ACMSD: variants seen among roughly 807,000 people sequenced by gnomAD.
ACMSD encodes the protein 2-amino-3-carboxymuconate-6-semialdehyde decarboxylase.
In ACMSD, 37 loss-of-function variants were observed where a neutral mutation model predicts 45.9. The observed-to-expected ratio is 0.81, with a 90% confidence interval of 0.62 to 1.06. ACMSD has a LOEUF of 1.06. Among genes scored for constraint, ACMSD ranks in the 50% least tolerant of loss-of-function variants. ACMSD has a pLI of 0.00. For missense variants in ACMSD, 434 were observed against 420.9 expected, an observed-to-expected ratio of 1.03 and a Z score of -0.27; for synonymous variants, 138 against 148.8, an observed-to-expected ratio of 0.93 and a Z score of 0.53.
intron 4 of ACMSD, chr2:134,862,984 T>A (rs1687917957): frequency 1.0e-6 from 1 of 985,278 alleles, no homozygotes; most frequent in South Asian, 4.7e-5. Context: ...CTGGCGGCCC[T>A]CAATGGGGCA....
Position 134,867,657 on chromosome 2 carries a change from C to T in ACMSD, c.565C>T (p.Leu189Phe). The change falls in exon 6 of 10, where the codon CTC (leucine) becomes TTC (phenylalanine). Residue 189 changes from leucine (L) to phenylalanine (F), a missense_variant. Transcript: ENST00000356140. ...QMDGRMAKYWLPWLVGMPAET... is the reference protein window; with the variant it reads ...QMDGRMAKYWFPWLVGMPAET... ...GGATGGACGAATGGCCAAATACTGG[C>T]TCCCTTGGCTTGTAGGTTTGTGTCT... is the stretch of plus-strand genomic sequence containing the variant. The T allele has an allele frequency of 5.0e-6, 8 of 1,613,496 alleles. No individual in the cohort carries two copies. The highest frequency in any genetic ancestry group is 1.1e-5 in the South Asian group (1 of 90,938).
chr2:134,895,497 A>T (rs2104962015), intron 8 of ACMSD, among the ~76,000 whole-genome samples: 1 of 151,682 alleles, frequency 6.6e-6, no homozygotes, highest in East Asian at 2.0e-4. Context: ...ATCCAATGCA[A>T]TTGCTATCAA....
chr2:134,894,933 A>G (rs999076198), intron 8 of ACMSD, among the ~76,000 whole-genome samples: 5 of 152,220 alleles, frequency 3.3e-5, no homozygotes, highest in Non-Finnish European at 4.4e-5. Flanking sequence ...TCTATTTGTT[A>G]GCAATGAATA....
intron 2 of ACMSD, among the ~76,000 whole-genome samples, chr2:134,846,653 C>A (rs918941531): frequency 1.3e-5 from 2 of 152,132 alleles, no homozygotes; most frequent in African/African-American, 4.8e-5. Flanking sequence ...GTGGTCCTCC[C>A]ACTTCAGCCT....
At chr2:134,842,773 A>G (rs1686865682) in intron 1 of ACMSD, among the ~76,000 whole-genome samples, 1 of 152,186 alleles carries the variant, frequency 6.6e-6, no homozygotes, top group Non-Finnish European at 1.5e-5. Context: ...GCCTCATTTC[A>G]TTAACACACA....
intron 8 of ACMSD, among the ~76,000 whole-genome samples, chr2:134,876,381 A>G (rs953280952): frequency 1.3e-5 from 2 of 152,174 alleles, no homozygotes; most frequent in African/African-American, 4.8e-5. Flanking sequence ...CTGTACAGAA[A>G]TATTTTCTCT....
At chr2:134,885,391 T>TATATATTATATATAATATATATGTAA (rs1559065261) in intron 8 of ACMSD, among the ~76,000 whole-genome samples, 11 of 102,058 alleles carry the variant, frequency 1.1e-4, no homozygotes, top group African/African-American at 4.4e-4. Flanking sequence ...TATATGTAAA[T>TATATATTATATATAATATATATGTAA]ATATATATTT....
At chr2:134,897,613 A>G (rs1573734096) in intron 8 of ACMSD, among the ~76,000 whole-genome samples, 1 of 152,060 alleles carries the variant, frequency 6.6e-6, no homozygotes, top group East Asian at 1.9e-4. Flanking sequence ...CATTATTGAC[A>G]TAATATCTTT....
rs1464074200 is a variant in ACMSD at position 134,871,678 on chromosome 2, GACAGACAC to G, written c.676+622_676+629del. ...TAGTTGAATTTGTGACCCTTCAACA[GACAGACAC>G]ACACACACACACACACACACACACA... On this transcript the variant is annotated intron_variant, in intron 7 of 9. Coordinates refer to ENST00000356140, the MANE Select transcript of ACMSD (RefSeq NM_138326.3). Among the ~76,000 whole-genome samples, 307 of 137,738 alleles carry G rather than the reference GACAGACAC, an allele frequency of 2.2e-3. 1 individual carries two copies. Among genetic ancestry groups the G allele is most frequent in the Middle Eastern group, 3.6e-3 (1 of 274 alleles). The allele number at this position is 137,738 out of a possible 152,430, so 90.4% of individuals were successfully genotyped here.
At position 134,871,038 on chromosome 2, in the gene ACMSD, G is replaced by A; in HGVS notation, c.654G>A (p.Leu218=). The A allele has an allele frequency of 6.2e-7, 1 of 1,614,126 alleles. No homozygotes were observed. Among genetic ancestry groups the A allele is most frequent in the African/African-American group, 1.3e-5 (1 of 75,052 alleles). Residue 218 remains leucine, a synonymous_variant, in exon 7 of 10, where the codon CTG becomes CTA. Transcript: ENST00000356140. ...MGGVFEKFPK[L]KVCFAHGGGA... ...GAGTATTTGAGAAGTTTCCCAAACT[G>A]AAAGTGTGTTTCGCACATGGTGGTA... is the stretch of plus-strand genomic sequence containing the variant.
intron 1 of ACMSD, among the ~76,000 whole-genome samples, chr2:134,838,959 C>T (rs1686658953): frequency 6.6e-6 from 1 of 151,960 alleles, no homozygotes. Flanking sequence ...CTCAGAAACC[C>T]TTTTTTCCCT....
At chr2:134,860,788 G>A (rs1334203754) in intron 3 of ACMSD, among the ~76,000 whole-genome samples, 2 of 148,632 alleles carry the variant, frequency 1.3e-5, no homozygotes, top group South Asian at 2.1e-4. Flanking sequence ...AGGAGGCCAC[G>A]TCAGGAGGAT....
At chr2:134,869,625 G>C (rs1316926118) in intron 6 of ACMSD, among the ~76,000 whole-genome samples, 1 of 152,020 alleles carries the variant, frequency 6.6e-6, no homozygotes. Context: ...CCCTGTCCGA[G>C]GCACTGAGGA....
intron 6 of ACMSD, among the ~76,000 whole-genome samples, chr2:134,869,870 T>C (rs967828070): frequency 1.3e-5 from 2 of 152,136 alleles, no homozygotes; most frequent in African/African-American, 4.8e-5. Context: ...GAATGGATTG[T>C]GGGGTTATGG....
At chr2:134,871,201 T>G in intron 7 of ACMSD, 141 bp downstream of exon 7, 1 of 728,858 alleles carries the variant, frequency 1.4e-6, no homozygotes, top group Non-Finnish European at 2.3e-6. Flanking sequence ...AGGGTTGGTT[T>G]CTAGTGAGGG....
intron 8 of ACMSD, among the ~76,000 whole-genome samples, chr2:134,886,648 C>T (rs977690369): frequency 1.1e-4 from 17 of 152,240 alleles, no homozygotes; most frequent in South Asian, 1.0e-3. Flanking sequence ...TATCCCCATA[C>T]ATAATGGTGA....
chr2:134,861,044 A>T (rs1156790300), intron 3 of ACMSD, among the ~76,000 whole-genome samples: 2 of 152,052 alleles, frequency 1.3e-5, no homozygotes, highest in Non-Finnish European at 2.9e-5. Context: ...AAATTTTTTA[A>T]TTAAAAATAT....
intron 4 of ACMSD, 133 bp downstream of exon 4, chr2:134,862,151 T>C: frequency 4.3e-6 from 4 of 936,626 alleles, no homozygotes; most frequent in Non-Finnish European, 7.1e-6. Flanking sequence ...CCTTTAGCGA[T>C]CAGCAGGGTC....
intron 8 of ACMSD, among the ~76,000 whole-genome samples, chr2:134,889,659 G>T (rs534736654): frequency 6.6e-6 from 1 of 152,284 alleles, no homozygotes; most frequent in African/African-American, 2.4e-5. Flanking sequence ...TATGCAGGAA[G>T]ATGTGCATAG....
Sources: gnomAD v4.1 joint callset for allele counts (sites outside exome capture counted in the v4.1 genomes callset) on GRCh38, gnomAD v4.1.1 for gene constraint, MANE v1.5 for transcripts, NCBI Gene and HGNC (gene_info 2026-07-23, HGNC 2026-07-21) for gene names.